Variants in VPS13C observed in about 807,000 individuals in gnomAD.
The protein encoded by VPS13C is intermembrane lipid transfer protein VPS13C.
Under a neutral mutation model 456.8 loss-of-function variants are expected in VPS13C, and 358 were observed. The observed-to-expected ratio is 0.78, with a 90% CI of 0.72 to 0.86. The LOEUF is 0.86. Ranked by LOEUF, VPS13C falls within the 40% of genes least tolerant of loss-of-function variation. VPS13C has a pLI of 0.00. For synonymous variants in VPS13C, 1,578 were observed against 1,486.7 expected, an observed-to-expected ratio of 1.06 and a Z score of -1.41; for missense variants, 4,818 against 4,385.4, an observed-to-expected ratio of 1.10 and a Z score of -2.79.
At chr15:62,047,390 A>G (rs2048448022) in intron 1 of VPS13C, among the ~76,000 whole-genome samples, 1 of 151,764 alleles carries the variant, frequency 6.6e-6, no homozygotes. Context: ...GTGAGCTGAG[A>G]TTGTGCCACT....
Position 61,853,472 on chromosome 15 carries a change from T to C in VPS13C, c.*985A>G, listed in dbSNP as rs1225598518. 1.3e-5 allele frequency: 2 copies of C among 152,166 alleles called. No homozygotes were observed. Among genetic ancestry groups the C allele is most frequent in the South Asian group, 2.1e-4 (1 of 4,828 alleles). 9.4% of individuals were successfully genotyped at this position (152,166 alleles called of 1,614,324 possible). A position where few individuals can be genotyped will look rare whatever the true frequency, so the allele number is the denominator to read the frequency against. ...CTTCCAAATTTTTATGAATGCTACA[T>C]TACAGAGGGCAGAGTGTAGCTATTT... On this transcript the variant is annotated 3_prime_UTR_variant, in exon 85 of 85. Transcript: ENST00000644861.
At chr15:61,930,327 C>T (rs924754800) in intron 50 of VPS13C, among the ~76,000 whole-genome samples, 5 of 152,076 alleles carry the variant, frequency 3.3e-5, no homozygotes, top group African/African-American at 2.4e-5. Context: ...TCACCCTTGC[C>T]GGGAGAGCTG....
chr15:61,909,157 G>A (rs1242649709), intron 64 of VPS13C, 32 bp from the exon 65 acceptor site: 3 of 1,609,458 alleles, frequency 1.9e-6, no homozygotes, highest in Non-Finnish European at 2.5e-6. Context: ...TATGTTTGAT[G>A]TACTGGTTTA....
chr15:61,898,541 A>G (rs2042901730), intron 66 of VPS13C, among the ~76,000 whole-genome samples: 1 of 152,196 alleles, frequency 6.6e-6, no homozygotes, highest in Non-Finnish European at 1.5e-5. Flanking sequence ...TCAATTCAAC[A>G]AGAAGAGCTA....
At chr15:61,957,782 A>T (rs889101567) in intron 37 of VPS13C, among the ~76,000 whole-genome samples, 8 of 152,164 alleles carry the variant, frequency 5.3e-5, no homozygotes, top group African/African-American at 1.9e-4. Context: ...TAATAATGAA[A>T]GTTTAAAAAC....
chr15:61,976,532 A>G (rs533358022), intron 24 of VPS13C, among the ~76,000 whole-genome samples: 1 of 152,156 alleles, frequency 6.6e-6, no homozygotes, highest in East Asian at 1.9e-4. Flanking sequence ...AAGGGGGAAC[A>G]AGGACACTTT....
At chr15:61,941,417 T>C (rs1333671547) in intron 46 of VPS13C, among the ~76,000 whole-genome samples, 2 of 152,172 alleles carry the variant, frequency 1.3e-5, no homozygotes, top group East Asian at 3.8e-4. Context: ...AAATTTTATA[T>C]ATTACGAAGT....
At chr15:62,059,289 C>T (rs2048908919) in intron 1 of VPS13C, among the ~76,000 whole-genome samples, 1 of 152,142 alleles carries the variant, frequency 6.6e-6, no homozygotes. Flanking sequence ...AGTGGTTACC[C>T]TAGTGGACAG....
rs190222028 is a variant in VPS13C at position 62,028,379 on chromosome 15, C to G, written c.427G>C (p.Val143Leu). The change falls in exon 6 of 85, where the codon GTT becomes CTT. Residue 143 changes from valine to leucine, a missense_variant. Physicochemically the swap from Val to Leu is conservative, Grantham distance 32. Coordinates refer to ENST00000644861, the MANE Select transcript of VPS13C (RefSeq NM_020821.3). ...CCACCAGGCTTGATGTCCTTGTAAA[C>G]AAAGTTCTCCAAGCCATATATGAAC... is the stretch of plus-strand genomic sequence containing the variant. Reference protein sequence around the residue: ...GEFIYGLENFVYKDIKPGRKR... With the variant: ...GEFIYGLENFLYKDIKPGRKR... The G allele has an allele frequency of 1.2e-6, 2 of 1,612,866 alleles. No homozygotes were observed. Among genetic ancestry groups the G allele is most frequent in the Admixed American group, 1.7e-5 (1 of 59,946 alleles).
intron 4 of VPS13C, 31 bp downstream of exon 4, chr15:62,034,926 T>G: frequency 2.9e-6 from 4 of 1,395,040 alleles, no homozygotes; most frequent in Non-Finnish European, 4.0e-6. Context: ...AATGTGATGT[T>G]ATTGAATGGT....
rs999716742 is a variant in VPS13C at position 62,007,215 on chromosome 15, C to T, written c.1290+93G>A. 22 of 1,022,790 alleles carry T rather than the reference C, an allele frequency of 2.2e-5. 1 individual carries two copies. The highest frequency in any genetic ancestry group is 1.6e-4 in the South Asian group (4 of 25,054). 63.4% of individuals were successfully genotyped at this position (1,022,790 alleles called of 1,614,324 possible). A position where few individuals can be genotyped will look rare whatever the true frequency, so the allele number is the denominator to read the frequency against. On this transcript the variant is annotated intron_variant, in intron 15 of 84. Transcript: ENST00000644861. ...TCAAAAAGAGGTGAATTCTGTTCTT[C>T]CTAAAATTATTTTTTGATTCAAATT...
At position 61,919,320 on chromosome 15, in the gene VPS13C, T is replaced by C. The variant is rs1265369336; in HGVS notation, c.7607A>G (p.Asn2536Ser). Residue 2536 changes from asparagine (N) to serine (S), a missense_variant, in exon 58 of 85, where the codon AAT (asparagine) becomes AGT (serine). Transcript: ENST00000644861. Reference sequence around the variant, plus strand: ...AGGAGAGCGAAGGGTAATTACTTTATTCCCTTCAGTTGCATCAATTTGTAC... The same window carrying C: ...AGGAGAGCGAAGGGTAATTACTTTACTCCCTTCAGTTGCATCAATTTGTAC... ...VLVQIDATEG[N>S]KVITLRSPLQ... 1.1e-5 allele frequency: 18 copies of C among 1,607,442 alleles called. No homozygotes were observed. The East Asian group carries it at 1.6e-4, about 14-fold the overall frequency.
In VPS13C at chr15:62,007,473, T is replaced by G; in HGVS notation, c.1125A>C (p.Lys375Asn). The G allele has an allele frequency of 1.3e-6, 2 of 1,571,356 alleles. No individual in the cohort carries two copies. Among genetic ancestry groups the G allele is most frequent in the Non-Finnish European group, 1.7e-6 (2 of 1,162,976 alleles). The stretch of plus-strand genomic sequence containing the variant: ...CTTCAAGAACAGAATCAATTGCATA[T>G]TTCCACCTGAAAATCAAATTTTGTT... ...PLHTNGRRWW[K>N]YAIDSVLEVH... The change falls in exon 15 of 85, where the codon AAA (lysine) becomes AAC (asparagine). Residue 375 changes from lysine (K) to asparagine (N), a missense_variant. Physicochemically the swap from Lys to Asn is moderately conservative, Grantham distance 94. This residue lies in a region of VPS13C where 4,552 missense variants were observed against 4,130.6 expected (regional missense o/e 1.10). Transcript: ENST00000644861.
rs1309573736 is a variant in VPS13C at position 61,917,386 on chromosome 15, G to A, written c.8010C>T (p.Leu2670=). ...VAYIIHLYPS[L]TLRNLLPYSL... ...AATATGGGAGAAGATTCCGCAAAGT[G>A]AGAGAAGGATAAAGATGAATAATGT... The change falls in exon 60 of 85, where the codon CTC becomes CTT. Residue 2670 remains leucine, a synonymous_variant. Coordinates refer to ENST00000644861, the MANE Select transcript of VPS13C (RefSeq NM_020821.3). 6.2e-7 allele frequency: 1 copy of A among 1,613,942 alleles called. No individual in the cohort carries two copies. Among genetic ancestry groups the A allele is most frequent in the South Asian group, 1.1e-5 (1 of 91,064 alleles).
intron 66 of VPS13C, among the ~76,000 whole-genome samples, chr15:61,905,389 T>C (rs2043126362): frequency 6.6e-6 from 1 of 152,188 alleles, no homozygotes; most frequent in African/African-American, 2.4e-5. Flanking sequence ...AGAAGTCTTG[T>C]AAAAAACTTA....
intron 67 of VPS13C, among the ~76,000 whole-genome samples, chr15:61,886,814 T>C (rs1364881727): frequency 6.6e-6 from 1 of 152,216 alleles, no homozygotes; most frequent in Non-Finnish European, 1.5e-5. Context: ...ATTTAGAGGA[T>C]ACCAGTCAAT....
intron 1 of VPS13C, among the ~76,000 whole-genome samples, chr15:62,053,280 T>C (rs2048687072): frequency 6.6e-6 from 1 of 152,196 alleles, no homozygotes; most frequent in Admixed American, 6.5e-5. Flanking sequence ...GATACTGACA[T>C]CTTTTATGTG....
chr15:61,862,716 G>C (rs1342766259), intron 82 of VPS13C, among the ~76,000 whole-genome samples: 1 of 151,980 alleles, frequency 6.6e-6, no homozygotes, highest in African/African-American at 2.4e-5. Flanking sequence ...TCTTACATGA[G>C]GATTCTGACA....
In VPS13C at chr15:61,942,023, T is replaced by G. The variant is rs2044444178; in HGVS notation, c.5193A>C (p.Thr1731=). 3.1e-6 allele frequency: 5 copies of G among 1,611,720 alleles called. No individual in the cohort carries two copies. The highest frequency in any genetic ancestry group is 4.2e-6 in the Non-Finnish European group (5 of 1,178,404). ...NFQTAKEALS[T]ATVQAAERAA... ...CTCTTTCTGCAGCCTGGACTGTGGC[T>G]GTACTCAAAGCTTCTTTAGCAGTTT... Residue 1731 remains threonine (T), a synonymous_variant, in exon 46 of 85, where the codon ACA becomes ACC. Coordinates refer to ENST00000644861, the MANE Select transcript of VPS13C (RefSeq NM_020821.3).
Sources: allele counts gnomAD v4.1 joint callset (sites outside exome capture counted in the v4.1 genomes callset), GRCh38; gene constraint gnomAD v4.1.1; regional missense constraint gnomAD v4.1.1; transcripts MANE v1.5; gene names NCBI Gene and HGNC (gene_info 2026-07-23, HGNC 2026-07-21).